Variants in ANO4 observed in about 807,000 individuals in gnomAD.
The protein encoded by ANO4 is anoctamin-4.
Under a neutral mutation model 141.9 loss-of-function variants are expected in ANO4, and 69 were observed. The observed-to-expected ratio is 0.49, with a 90% CI of 0.40 to 0.59. ANO4 has a LOEUF of 0.59. Ranked by LOEUF, ANO4 falls within the 20% of genes least tolerant of loss-of-function variation. ANO4 has a pLI of 0.00. For missense variants in ANO4, 894 were observed against 1,162.2 expected, an observed-to-expected ratio of 0.77 and a Z score of 3.36; for synonymous variants, 350 against 394.3, an observed-to-expected ratio of 0.89 and a Z score of 1.33.
At chr12:100,956,394 C>T (rs950988331) in intron 5 of ANO4, among the ~76,000 whole-genome samples, 1 of 152,088 alleles carries the variant, frequency 6.6e-6, no homozygotes, top group Non-Finnish European at 1.5e-5. Context: ...TCTAGAAGAC[C>T]AGGAGTAGAG....
intron 3 of ANO4, among the ~76,000 whole-genome samples, chr12:100,764,883 T>A (rs1040489529): frequency 3.3e-5 from 5 of 152,206 alleles, no homozygotes; most frequent in African/African-American, 1.2e-4. Context: ...TGTTGAGATT[T>A]TTGCATGTGC....
At chr12:100,771,161 G>A (rs570485295) in intron 3 of ANO4, among the ~76,000 whole-genome samples, 18 of 152,246 alleles carry the variant, frequency 1.2e-4, no homozygotes, top group South Asian at 2.1e-4. Flanking sequence ...CCAGTGAACC[G>A]ACCTGCTGCA....
chr12:101,068,913 C>T, intron 14 of ANO4: 1 of 817,284 alleles, frequency 1.2e-6, no homozygotes, highest in South Asian at 1.3e-5. Context: ...TCCGATACTA[C>T]ATGCTCAACA....
intron 1 of ANO4, among the ~76,000 whole-genome samples, chr12:100,801,306 A>T (rs2034675059): frequency 6.6e-6 from 1 of 152,116 alleles, no homozygotes; most frequent in Non-Finnish European, 1.5e-5. Flanking sequence ...TAATTTTTCA[A>T]ACCAATGTGA....
intron 3 of ANO4, among the ~76,000 whole-genome samples, chr12:100,928,012 G>A (rs1289773343): frequency 6.6e-6 from 1 of 152,052 alleles, no homozygotes; most frequent in African/African-American, 2.4e-5. Context: ...CTACATTAGG[G>A]GTGGTGTATA....
chr12:100,975,392 C>CTTTCTT (rs750719085), intron 7 of ANO4, among the ~76,000 whole-genome samples: 1 of 151,142 alleles, frequency 6.6e-6, no homozygotes, highest in African/African-American at 2.4e-5. Context: ...CTTCCCTTCC[C>CTTTCTT]TTTCTTTTTC....
intron 5 of ANO4, among the ~76,000 whole-genome samples, chr12:100,967,570 GACACACACACACACACAC>G (rs3059289): frequency 1.3e-5 from 2 of 149,278 alleles, no homozygotes; most frequent in South Asian, 2.1e-4. Flanking sequence ...ATGTAAAGAG[GACACACACACACACACAC>G]ACACACACAC....
At chr12:100,914,399 C>G (rs1277671756) in intron 2 of ANO4, among the ~76,000 whole-genome samples, 1 of 152,206 alleles carries the variant, frequency 6.6e-6, no homozygotes, top group African/African-American at 2.4e-5. Flanking sequence ...TAGCTTTAGC[C>G]TTATAGTGAC....
At chr12:100,816,038 T>G (rs2035720649) in intron 1 of ANO4, among the ~76,000 whole-genome samples, 1 of 152,076 alleles carries the variant, frequency 6.6e-6, no homozygotes, top group Non-Finnish European at 1.5e-5. Context: ...TAAACTCAAC[T>G]CTTAATTATT....
chr12:101,058,993 T>C (rs1002314097), intron 14 of ANO4, among the ~76,000 whole-genome samples: 1 of 152,196 alleles, frequency 6.6e-6, no homozygotes, highest in African/African-American at 2.4e-5. Flanking sequence ...ATATTGGCTG[T>C]GGGTTTGTCA....
intron 14 of ANO4, among the ~76,000 whole-genome samples, chr12:101,054,500 A>C (rs926437379): frequency 6.6e-6 from 1 of 152,166 alleles, no homozygotes; most frequent in South Asian, 2.1e-4. Context: ...ATATAAGAGA[A>C]CTTTTTTTCT....
intron 22 of ANO4, among the ~76,000 whole-genome samples, chr12:101,107,755 G>A (rs904798613): frequency 6.6e-6 from 1 of 152,156 alleles, no homozygotes. Flanking sequence ...AACATTTTGT[G>A]TAGGGAGATG....
chr12:100,989,139 T>C (rs1352088052), intron 8 of ANO4, among the ~76,000 whole-genome samples: 2 of 152,134 alleles, frequency 1.3e-5, no homozygotes, highest in East Asian at 3.9e-4. Flanking sequence ...ACAGGTCAGA[T>C]TAAAGCCAAC....
chr12:101,059,276 G>A (rs1189765222), intron 14 of ANO4, among the ~76,000 whole-genome samples: 1 of 152,204 alleles, frequency 6.6e-6, no homozygotes, highest in Non-Finnish European at 1.5e-5. Context: ...GTATTTCATT[G>A]AGGATTTTCG....
At chr12:101,076,153 A>C (rs895805701) in intron 14 of ANO4, among the ~76,000 whole-genome samples, 5 of 152,186 alleles carry the variant, frequency 3.3e-5, no homozygotes, top group Non-Finnish European at 7.3e-5. Flanking sequence ...CCAAATTCAT[A>C]TGTTGAAATC....
At chr12:100,866,004 C>T (rs2038735983) in intron 1 of ANO4, among the ~76,000 whole-genome samples, 1 of 152,172 alleles carries the variant, frequency 6.6e-6, no homozygotes, top group South Asian at 2.1e-4. Flanking sequence ...CTGTCTTCTA[C>T]AAGTGCCTTT....
chr12:101,106,612 G>A (rs2050456053), intron 22 of ANO4, among the ~76,000 whole-genome samples: 1 of 148,652 alleles, frequency 6.7e-6, no homozygotes, highest in South Asian at 2.1e-4. Flanking sequence ...CTGGAAGGAT[G>A]CATGCAAAAC....
At chr12:101,076,650 C>T (rs1299930953) in intron 14 of ANO4, among the ~76,000 whole-genome samples, 2 of 152,158 alleles carry the variant, frequency 1.3e-5, no homozygotes, top group African/African-American at 4.8e-5. Flanking sequence ...GCCAGTAAGA[C>T]AGACTGGATG....
At chr12:101,034,084 T>C (rs1335716147) in intron 9 of ANO4, among the ~76,000 whole-genome samples, 1 of 152,206 alleles carries the variant, frequency 6.6e-6, no homozygotes, top group Non-Finnish European at 1.5e-5. Context: ...GTGTGGGGAT[T>C]CCTCAAGTAT....
Sources: allele counts gnomAD v4.1 joint callset (sites outside exome capture counted in the v4.1 genomes callset), GRCh38; gene constraint gnomAD v4.1.1; transcripts MANE v1.5; gene names NCBI Gene and HGNC (gene_info 2026-07-23, HGNC 2026-07-21).